The following PRKAG2 variants were observed in gnomAD, a reference collection of about 807,000 sequenced individuals.
The protein encoded by PRKAG2 is 5'-AMP-activated protein kinase subunit gamma-2.
In PRKAG2, 26 loss-of-function variants were observed where a neutral mutation model predicts 69.6. The ratio of observed to expected loss-of-function variants is 0.37; its 90% CI spans 0.27 to 0.52. PRKAG2 has a LOEUF of 0.52. PRKAG2 is among the 20% of genes least tolerant of loss of function. The probability of loss-of-function intolerance (pLI) is 0.90; values close to 1 mark genes in which losing one functional copy is unlikely to be tolerated. For synonymous variants in PRKAG2, 293 were observed against 285.0 expected, an observed-to-expected ratio of 1.03 and a Z score of -0.28; for missense variants, 557 against 740.0, an observed-to-expected ratio of 0.75 and a Z score of 2.87.
intron 3 of PRKAG2, among the ~76,000 whole-genome samples, chr7:151,728,039 C>T (rs9640177): frequency 0.053 from 8,100 of 152,192 alleles, 640 homozygotes; most frequent in African/African-American, 0.18. Flanking sequence ...TCCGGGGGCC[C>T]GTCCTCCGTG....
At position 151,715,322 on chromosome 7, in the gene PRKAG2, C is replaced by CAAAA. The variant is rs34971340; in HGVS notation, c.467-39689_467-39686dup. Among the ~76,000 whole-genome samples, 371 of 62,430 alleles carry CAAAA rather than the reference C, an allele frequency of 5.9e-3. 21 individuals carry two copies. The highest frequency in any genetic ancestry group is 0.017 in the Middle Eastern group (1 of 58). The allele number at this position is 62,430 out of a possible 152,430, so 41.0% of individuals were successfully genotyped here. ...TGAGCCACTGCACCTGGCCTAAAAG[C>CAAAA]AAAAAAAAAAAAAAAAAAAAAAAAA... On this transcript the variant is annotated intron_variant, in intron 3 of 15. Coordinates refer to ENST00000287878, the MANE Select transcript of PRKAG2 (RefSeq NM_016203.4).
chr7:151,876,508 G>A lies in PRKAG2; in HGVS notation c.113C>T (p.Pro38Leu), dbSNP rs984007665. 31 of 1,605,570 alleles carry A rather than the reference G, an allele frequency of 1.9e-5. No individual in the cohort carries two copies. Among genetic ancestry groups the A allele is most frequent in the Non-Finnish European group, 2.5e-5 (29 of 1,179,490 alleles). The change falls in exon 1 of 16, where the codon CCG becomes CTG. Residue 38 changes from proline (P) to leucine (L), a missense_variant and splice_region_variant. Physicochemically the swap from Pro to Leu is moderately conservative, Grantham distance 98. This residue lies in a region of PRKAG2 where 352 missense variants were observed against 356.7 expected (regional missense o/e 0.99). Coordinates refer to ENST00000287878, the MANE Select transcript of PRKAG2 (RefSeq NM_016203.4). ...AGGGGACCGAGTGCTGGGACTCACCGGAATGTGCACGCGCAGCGAACGCCT... is the reference window on the plus strand; with the variant it reads ...AGGGGACCGAGTGCTGGGACTCACCAGAATGTGCACGCGCAGCGAACGCCT... ...QKRRSLRVHI[P>L]DLSSFAMPLL...
chr7:151,646,875 G>A lies in PRKAG2; in HGVS notation c.685-14737C>T, dbSNP rs1399236922. Among the ~76,000 whole-genome samples the A allele has an allele frequency of 3.9e-5, 6 of 152,202 alleles. No individual in the cohort carries two copies. In the South Asian group the frequency reaches 8.3e-4, roughly 21 times the overall value. On this transcript the variant is annotated intron_variant, in intron 4 of 15. Transcript: ENST00000287878. ...TCAGTAGTGGTATCCACCATTTGAC[G>A]TGTGCACACTGGAGCCAGCTGGAGC... is the stretch of plus-strand genomic sequence containing the variant.
intron 3 of PRKAG2, chr7:151,736,271 G>A (rs1203000917): frequency 7.7e-7 from 1 of 1,298,258 alleles, no homozygotes; most frequent in African/African-American, 1.5e-5. Flanking sequence ...AGCAGCTGGA[G>A]CGTCAGCCCG....
intron 1 of PRKAG2, among the ~76,000 whole-genome samples, chr7:151,842,808 T>G (rs2079343469): frequency 6.6e-6 from 1 of 151,794 alleles, no homozygotes; most frequent in South Asian, 2.1e-4. Flanking sequence ...ATGGGGATGC[T>G]GCCGTGAAGC....
intron 3 of PRKAG2, among the ~76,000 whole-genome samples, chr7:151,760,867 G>C (rs919247669): frequency 6.6e-6 from 1 of 152,178 alleles, no homozygotes; most frequent in Admixed American, 6.5e-5. Flanking sequence ...GCCAAACAGC[G>C]CACCTTGTCC....
At position 151,876,754 on chromosome 7, in the gene PRKAG2, G is replaced by A; in HGVS notation, c.-134C>T. The A allele has an allele frequency of 1.2e-6, 1 of 860,572 alleles. No individual in the cohort carries two copies. Among genetic ancestry groups the A allele is most frequent in the Non-Finnish European group, 1.9e-6 (1 of 532,418 alleles). 53.3% of individuals were successfully genotyped at this position (860,572 alleles called of 1,614,324 possible). A position where few individuals can be genotyped will look rare whatever the true frequency, so the allele number is the denominator to read the frequency against. ...AAGCCACCTCGTGGGGACTTCCGCG[G>A]AGAGGGAGGGTGAGCAGGGAACTCG... is the stretch of plus-strand genomic sequence containing the variant. On this transcript the variant is annotated 5_prime_UTR_variant, in exon 1 of 16. Coordinates refer to ENST00000287878, the MANE Select transcript of PRKAG2 (RefSeq NM_016203.4).
At chr7:151,645,972 A>T (rs1490360872) in intron 4 of PRKAG2, among the ~76,000 whole-genome samples, 3 of 152,232 alleles carry the variant, frequency 2.0e-5, no homozygotes, top group African/African-American at 4.8e-5. Flanking sequence ...TTGCTGCCTC[A>T]CTGGATTCCC....
At chr7:151,721,488 G>T (rs1455328918) in intron 3 of PRKAG2, among the ~76,000 whole-genome samples, 1 of 152,134 alleles carries the variant, frequency 6.6e-6, no homozygotes, top group Admixed American at 6.5e-5. Flanking sequence ...TCCCTCCAAG[G>T]CCTCTCATGC....
chr7:151,830,147 C>T (rs1294301518), intron 1 of PRKAG2, among the ~76,000 whole-genome samples: 2 of 146,318 alleles, frequency 1.4e-5, no homozygotes, highest in South Asian at 2.1e-4. Flanking sequence ...ACCATGCTCA[C>T]GAGGGGACAC....
chr7:151,819,931 G>A (rs2078729948), intron 1 of PRKAG2, among the ~76,000 whole-genome samples: 1 of 152,202 alleles, frequency 6.6e-6, no homozygotes, highest in African/African-American at 2.4e-5. Context: ...GTCTATAAAC[G>A]CTAAGTCATA....
rs779526669 is a variant in PRKAG2, at chr7:151,675,619, G to C, written c.485C>G (p.Ser162Cys). ...RSRKTSGLSS[S>C]PSTPTQVTKQ... ...GGTCACTTGGGTGGGTGTTGACGGA[G>C]AGGAGGAGAGGCCGGAGGCTGCAGA... Residue 162 changes from serine to cysteine, a missense_variant, in exon 4 of 16, where the codon TCT becomes TGT. By Grantham distance (112) the Ser-to-Cys change is moderately radical. Transcript: ENST00000287878. 17 of 1,613,718 alleles carry C rather than the reference G, an allele frequency of 1.1e-5. 1 individual carries two copies. The South Asian group carries it at 1.9e-4, about 18-fold the overall frequency.
chr7:151,598,545 A>G (rs1467957169), intron 5 of PRKAG2, among the ~76,000 whole-genome samples: 2 of 152,322 alleles, frequency 1.3e-5, no homozygotes, highest in Admixed American at 1.3e-4. Context: ...TAAAACATCA[A>G]ACTGTATCCC....
intron 3 of PRKAG2, among the ~76,000 whole-genome samples, chr7:151,722,634 T>C (rs1563523266): frequency 6.6e-6 from 1 of 152,020 alleles, no homozygotes; most frequent in Non-Finnish European, 1.5e-5. Flanking sequence ...GCCATGAGAC[T>C]CCCGTGGGGA....
intron 5 of PRKAG2, among the ~76,000 whole-genome samples, chr7:151,624,947 A>G (rs1249655794): frequency 6.6e-6 from 1 of 152,230 alleles, no homozygotes; most frequent in Non-Finnish European, 1.5e-5. Context: ...CAGTAAAAGC[A>G]TAAGCTCCAA....
intron 5 of PRKAG2, among the ~76,000 whole-genome samples, chr7:151,625,171 T>C (rs1045309533): frequency 2.0e-5 from 3 of 152,144 alleles, no homozygotes; most frequent in African/African-American, 7.2e-5. Flanking sequence ...TGAGATAGCA[T>C]GGGAAGTCTT....
At chr7:151,766,856 G>A (rs1196540777) in intron 3 of PRKAG2, among the ~76,000 whole-genome samples, 4 of 152,224 alleles carry the variant, frequency 2.6e-5, no homozygotes, top group Non-Finnish European at 5.9e-5. Context: ...CATCAATCGT[G>A]GAGAAGGCAG....
intron 6 of PRKAG2, among the ~76,000 whole-genome samples, chr7:151,589,760 C>T (rs1812606067): frequency 6.6e-6 from 1 of 152,116 alleles, no homozygotes; most frequent in Admixed American, 6.5e-5. Flanking sequence ...AAAGTGAAAC[C>T]CCATCTCTAC....
chr7:151,815,295 G>A (rs2078608486), intron 1 of PRKAG2, among the ~76,000 whole-genome samples: 1 of 152,070 alleles, frequency 6.6e-6, no homozygotes, highest in Non-Finnish European at 1.5e-5. Flanking sequence ...TTGACACCTG[G>A]GGCCTTGCTG....
Sources: gnomAD v4.1 joint callset for allele counts (sites outside exome capture counted in the v4.1 genomes callset) on GRCh38, gnomAD v4.1.1 for gene constraint, gnomAD v4.1.1 regional missense constraint, MANE v1.5 for transcripts, NCBI Gene and HGNC (gene_info 2026-07-23, HGNC 2026-07-21) for gene names.